Variants in CNTNAP2 observed in about 807,000 individuals in gnomAD.
CNTNAP2 encodes the protein contactin associated protein 2.
Under a neutral mutation model 155.2 loss-of-function variants are expected in CNTNAP2, and 98 were observed. The ratio of observed to expected loss-of-function variants is 0.63; its 90% confidence interval spans 0.54 to 0.75. The LOEUF (loss-of-function observed/expected upper bound fraction) is 0.75. Ranked by LOEUF, CNTNAP2 falls within the 30% of genes least tolerant of loss-of-function variation. CNTNAP2 has a pLI of 0.00. For synonymous variants in CNTNAP2, 651 were observed against 631.2 expected (o/e 1.03, Z -0.47); for missense variants, 1,727 against 1,688.1 (o/e 1.02, Z -0.40).
In CNTNAP2 at chr7:148,363,172, G is replaced by T. The variant is rs372227821; in HGVS notation, c.3476-20477G>T. On this transcript the variant is annotated intron_variant, in intron 21 of 23. Coordinates refer to ENST00000361727, the MANE Select transcript of CNTNAP2 (RefSeq NM_014141.6). Reference sequence around the variant, plus strand: ...AATTTTGTATTTTTTTAGTAGAGACGGGGTTTCTCCATGTTGGCCTGGCTG... The same window carrying T: ...AATTTTGTATTTTTTTAGTAGAGACTGGGTTTCTCCATGTTGGCCTGGCTG... Among the ~76,000 whole-genome samples the T allele has an allele frequency of 7.2e-5, 11 of 152,202 alleles. No homozygotes were observed. In the East Asian group the frequency reaches 1.7e-3, roughly 24 times the overall value.
intron 4 of CNTNAP2, among the ~76,000 whole-genome samples, chr7:147,098,528 T>A (rs1170993792): frequency 6.6e-6 from 1 of 152,152 alleles, no homozygotes; most frequent in African/African-American, 2.4e-5. Flanking sequence ...TACTTCAGAG[T>A]CCAGAAGTTG....
At chr7:147,249,541 C>T (rs1479158238) in intron 8 of CNTNAP2, among the ~76,000 whole-genome samples, 1 of 131,238 alleles carries the variant, frequency 7.6e-6, no homozygotes, top group African/African-American at 2.8e-5. Context: ...AAAAAGAAAC[C>T]ACATTAGGAA....
At position 148,312,209 on chromosome 7, in the gene CNTNAP2, C is replaced by T. The variant is rs148127820; in HGVS notation, c.3475+45083C>T. 3.4e-3 allele frequency among the ~76,000 whole-genome samples: 511 copies of T among 152,206 alleles called. 6 individuals are homozygous for T. The highest frequency in any genetic ancestry group is 0.011 in the African/African-American group (458 of 41,532). ...ACAGAAAGGCTACAGGGTGCTGTCC[C>T]GGCTCTTGTGTAAGAATTCTGACCG... On this transcript the variant is annotated intron_variant, in intron 21 of 23. Transcript: ENST00000361727.
At chr7:147,867,039 A>T (rs1799241633) in intron 13 of CNTNAP2, among the ~76,000 whole-genome samples, 1 of 152,176 alleles carries the variant, frequency 6.6e-6, no homozygotes, top group East Asian at 1.9e-4. Context: ...GTTTCTTCAC[A>T]GCATCGATGG....
At chr7:148,295,583 C>A (rs1178147026) in intron 21 of CNTNAP2, among the ~76,000 whole-genome samples, 5 of 141,542 alleles carry the variant, frequency 3.5e-5, no homozygotes, top group African/African-American at 1.3e-4. Context: ...GCTCCGCCTC[C>A]CGGGTTCACC....
intron 13 of CNTNAP2, among the ~76,000 whole-genome samples, chr7:147,811,453 C>T (rs1185053355): frequency 6.6e-6 from 1 of 152,084 alleles, no homozygotes; most frequent in Admixed American, 6.5e-5. Flanking sequence ...TCATGGCTTT[C>T]AGATCCAGAG....
chr7:146,569,112 G>A (rs1465153126), intron 1 of CNTNAP2, among the ~76,000 whole-genome samples: 1 of 152,086 alleles, frequency 6.6e-6, no homozygotes, highest in Non-Finnish European at 1.5e-5. Context: ...TGCCTCCCGG[G>A]TTCACGCCAT....
At chr7:147,923,133 A>G (rs1339553979) in intron 14 of CNTNAP2, among the ~76,000 whole-genome samples, 1 of 152,106 alleles carries the variant, frequency 6.6e-6, no homozygotes, top group South Asian at 2.1e-4. Flanking sequence ...AGATGAGACC[A>G]CTGTCCATGC....
At chr7:146,125,348 A>AGT (rs1797618788) in intron 1 of CNTNAP2, among the ~76,000 whole-genome samples, 1 of 152,008 alleles carries the variant, frequency 6.6e-6, no homozygotes, top group African/African-American at 2.4e-5. Context: ...AGGCTGAGAC[A>AGT]GGCGGATCAC....
intron 1 of CNTNAP2, among the ~76,000 whole-genome samples, chr7:146,259,165 G>A (rs116155464): frequency 0.014 from 2,120 of 152,204 alleles, 52 homozygotes; most frequent in African/African-American, 0.047. Flanking sequence ...AGTTTCCTGA[G>A]GCCTCCCCAA....
chr7:147,853,880 G>A (rs922796036), intron 13 of CNTNAP2, among the ~76,000 whole-genome samples: 6 of 152,200 alleles, frequency 3.9e-5, no homozygotes, highest in African/African-American at 1.2e-4. Flanking sequence ...AAGTGAATGA[G>A]TGTTGCAAAG....
chr7:148,079,433 A>G (rs1803555695), intron 15 of CNTNAP2, among the ~76,000 whole-genome samples: 1 of 152,158 alleles, frequency 6.6e-6, no homozygotes, highest in Non-Finnish European at 1.5e-5. Context: ...GTCTGGATTA[A>G]GATAAGTGGT....
chr7:147,933,831 C>T (rs1800555077), intron 14 of CNTNAP2, among the ~76,000 whole-genome samples: 1 of 152,046 alleles, frequency 6.6e-6, no homozygotes, highest in African/African-American at 2.4e-5. Flanking sequence ...CCATTGCACT[C>T]CAGCCTGGGC....
intron 3 of CNTNAP2, among the ~76,000 whole-genome samples, chr7:146,970,532 A>G (rs1338026660): frequency 6.6e-6 from 1 of 152,202 alleles, no homozygotes; most frequent in African/African-American, 2.4e-5. Context: ...CACCAGTTAG[A>G]ATGGCAATCA....
chr7:147,608,688 G>A (rs1309663985), intron 12 of CNTNAP2, among the ~76,000 whole-genome samples: 1 of 152,162 alleles, frequency 6.6e-6, no homozygotes, highest in African/African-American at 2.4e-5. Flanking sequence ...TGAAGAAAGG[G>A]TTAAGGAGTA....
intron 3 of CNTNAP2, among the ~76,000 whole-genome samples, chr7:147,009,939 G>A (rs957806111): frequency 5.3e-5 from 8 of 151,760 alleles, no homozygotes; most frequent in African/African-American, 1.9e-4. Flanking sequence ...CAGTGGAAGA[G>A]CCTAGGAGCA....
At chr7:146,201,394 C>CA (rs1798857244) in intron 1 of CNTNAP2, among the ~76,000 whole-genome samples, 1 of 152,128 alleles carries the variant, frequency 6.6e-6, no homozygotes, top group Non-Finnish European at 1.5e-5. Context: ...AGAAATATCA[C>CA]ATTAAAATAA....
intron 3 of CNTNAP2, among the ~76,000 whole-genome samples, chr7:146,903,109 T>A (rs1421563787): frequency 1.3e-5 from 2 of 152,208 alleles, no homozygotes; most frequent in African/African-American, 4.8e-5. Flanking sequence ...CTGTGATCTA[T>A]GGGCTTGTAC....
intron 3 of CNTNAP2, among the ~76,000 whole-genome samples, chr7:147,007,078 A>G (rs1436378301): frequency 6.6e-6 from 1 of 152,110 alleles, no homozygotes; most frequent in Non-Finnish European, 1.5e-5. Context: ...ACTAGTACAT[A>G]TGTCGCATGT....
Sources: gnomAD v4.1 joint callset for allele counts (sites outside exome capture counted in the v4.1 genomes callset) on GRCh38, gnomAD v4.1.1 for gene constraint, MANE v1.5 for transcripts, NCBI Gene and HGNC (gene_info 2026-07-23, HGNC 2026-07-21) for gene names.